The following PPP1R14C variants were observed in gnomAD, a reference collection of about 807,000 sequenced individuals.
PPP1R14C encodes the protein protein phosphatase 1 regulatory inhibitor subunit 14C.
A neutral mutation model predicts 20.4 loss-of-function variants in PPP1R14C; 16 were observed. The ratio of observed to expected loss-of-function variants is 0.78; its 90% CI spans 0.53 to 1.19. The LOEUF is 1.19. PPP1R14C is among the 50% of genes most tolerant of loss of function. The pLI is 0.00. For synonymous variants in PPP1R14C, 91 were observed against 91.0 expected (o/e 1.00, Z 0.00); for missense variants, 211 against 220.1 (o/e 0.96, Z 0.26).
chr6:150,146,673 A>G lies in PPP1R14C; in HGVS notation c.306+3175A>G, dbSNP rs541599015. On this transcript the variant is annotated intron_variant, in intron 1 of 3. Coordinates refer to ENST00000361131, the MANE Select transcript of PPP1R14C (RefSeq NM_030949.3). The stretch of plus-strand genomic sequence containing the variant: ...TGACCATGATGCCTCTGCACACACC[A>G]GTGGTGATGTCCCCCTAGGCCAGAA... 3.3e-3 allele frequency among the ~76,000 whole-genome samples: 508 copies of G among 152,230 alleles called. 3 individuals are homozygous for G. Among genetic ancestry groups the G allele is most frequent in the African/African-American group, 0.012 (492 of 41,534 alleles).
intron 1 of PPP1R14C, among the ~76,000 whole-genome samples, chr6:150,178,672 G>T (rs1204148075): frequency 6.6e-6 from 1 of 152,166 alleles, no homozygotes; most frequent in African/African-American, 2.4e-5. Context: ...CATTACAACT[G>T]TCATGATGAC....
intron 1 of PPP1R14C, among the ~76,000 whole-genome samples, chr6:150,178,113 C>G (rs1777583259): frequency 1.3e-5 from 2 of 152,170 alleles, no homozygotes; most frequent in South Asian, 4.1e-4. Context: ...GCAGCCTCCG[C>G]GAGGCCTTTT....
At chr6:150,221,921 C>G (rs1271606893) in intron 3 of PPP1R14C, among the ~76,000 whole-genome samples, 1 of 152,168 alleles carries the variant, frequency 6.6e-6, no homozygotes, top group East Asian at 1.9e-4. Context: ...GCCTCAGCCC[C>G]CCGGGTAGCT....
chr6:150,194,074 A>G (rs1255248379), intron 1 of PPP1R14C, among the ~76,000 whole-genome samples: 1 of 151,952 alleles, frequency 6.6e-6, no homozygotes, highest in Non-Finnish European at 1.5e-5. Flanking sequence ...TTTGGTTTTC[A>G]TTTCTCTCTT....
Position 150,248,746 on chromosome 6 carries a change from GA to G in PPP1R14C, c.426del (p.Glu142AspfsTer10). ...ATTAACTTCTTCTGATCTCTTTTAGGAATTTATCAAAGAGCTGCTTTCTCGG... is the reference window on the plus strand; with the variant it reads ...ATTAACTTCTTCTGATCTCTTTTAGGATTTATCAAAGAGCTGCTTTCTCGG... ...ALVDCYKPTE[E>X]FIKELLSRIR... On this transcript the variant is annotated frameshift_variant and splice_region_variant, in exon 4 of 4. Transcript: ENST00000361131. LOFTEE classifies it high-confidence loss of function. 1 of 1,605,418 alleles carries G rather than the reference GA, an allele frequency of 6.2e-7. No homozygotes were observed. The highest frequency in any genetic ancestry group is 8.5e-7 in the Non-Finnish European group (1 of 1,172,380).
rs143626534 is a variant in PPP1R14C, at chr6:150,224,058, T to G, written c.423+7202T>G. On this transcript the variant is annotated intron_variant, in intron 3 of 3. Transcript: ENST00000361131. ...GTGTAAGGTCTGGGTCCAGGTTCATTTTTTGCACGTGGATTTCCAGTTGTC... is the reference window on the plus strand; with the variant it reads ...GTGTAAGGTCTGGGTCCAGGTTCATGTTTTGCACGTGGATTTCCAGTTGTC... Among the ~76,000 whole-genome samples, 56 of 152,312 alleles carry G rather than the reference T, an allele frequency of 3.7e-4. 1 individual carries two copies. The East Asian group carries it at 0.011, about 29-fold the overall frequency.
At chr6:150,206,076 C>A (rs189763128) in intron 1 of PPP1R14C, among the ~76,000 whole-genome samples, 3 of 152,236 alleles carry the variant, frequency 2.0e-5, no homozygotes, top group Non-Finnish European at 4.4e-5. Flanking sequence ...ATGGCCCCAA[C>A]TCTGATACAG....
intron 3 of PPP1R14C, among the ~76,000 whole-genome samples, chr6:150,235,209 C>G (rs1459161462): frequency 2.6e-5 from 4 of 152,212 alleles, no homozygotes; most frequent in Non-Finnish European, 5.9e-5. Context: ...CTGCCTCAGT[C>G]TCCTGAGTAG....
At position 150,185,908 on chromosome 6, in the gene PPP1R14C, A is replaced by G. The variant is rs1022436349; in HGVS notation, c.307-28836A>G. The stretch of plus-strand genomic sequence containing the variant: ...CAGGCAAGGGTCAGGCGTGGCACCT[A>G]TCGGCTCCTAAAGCCTCTACCAGGA... On this transcript the variant is annotated intron_variant, in intron 1 of 3. Transcript: ENST00000361131. The surrounding 1 kb of genome is among the most constrained non-coding windows in gnomAD (Gnocchi z 4.1). Among the ~76,000 whole-genome samples the G allele has an allele frequency of 1.3e-5, 2 of 152,140 alleles. No individual in the cohort carries two copies. Among genetic ancestry groups the G allele is most frequent in the African/African-American group, 4.8e-5 (2 of 41,432 alleles).
At chr6:150,170,386 G>A (rs139242221) in intron 1 of PPP1R14C, among the ~76,000 whole-genome samples, 6 of 150,806 alleles carry the variant, frequency 4.0e-5, no homozygotes, top group African/African-American at 1.2e-4. Flanking sequence ...GCAGTGGCGC[G>A]ATCTTGGCTC....
intron 1 of PPP1R14C, among the ~76,000 whole-genome samples, chr6:150,200,623 C>T (rs141009127): frequency 8.5e-5 from 13 of 152,338 alleles, no homozygotes; most frequent in African/African-American, 2.9e-4. Flanking sequence ...CTGTGGCCTC[C>T]TCTGTAACAG....
At chr6:150,216,302 C>G (rs1433045429) in intron 2 of PPP1R14C, among the ~76,000 whole-genome samples, 3 of 152,198 alleles carry the variant, frequency 2.0e-5, no homozygotes, top group Non-Finnish European at 4.4e-5. Flanking sequence ...TCGAGACCAG[C>G]CTGGCTAACA....
intron 3 of PPP1R14C, among the ~76,000 whole-genome samples, chr6:150,225,067 T>C (rs534851751): frequency 3.1e-4 from 47 of 152,062 alleles, no homozygotes; most frequent in Admixed American, 2.1e-3. Context: ...CCCAGGTCAC[T>C]CAGGCTCTAC....
intron 1 of PPP1R14C, among the ~76,000 whole-genome samples, chr6:150,156,024 CAAAAAAAAAAAAAAA>C (rs67908012): frequency 5.2e-5 from 2 of 38,420 alleles, no homozygotes; most frequent in Non-Finnish European, 9.4e-5. Flanking sequence ...GACTCTGTCT[CAAAAAAAAAAAAAAA>C]AAAAAAAAAA....
chr6:150,223,931 G>T (rs1778198834), intron 3 of PPP1R14C, among the ~76,000 whole-genome samples: 1 of 152,154 alleles, frequency 6.6e-6, no homozygotes, highest in Non-Finnish European at 1.5e-5. Context: ...GAAAACACAA[G>T]ATCATTTAGA....
At chr6:150,203,838 C>G (rs1777909043) in intron 1 of PPP1R14C, among the ~76,000 whole-genome samples, 1 of 152,228 alleles carries the variant, frequency 6.6e-6, no homozygotes, top group African/African-American at 2.4e-5. Flanking sequence ...TCAGAGACAG[C>G]TCAGGCTCAA....
chr6:150,143,510 C>T lies in PPP1R14C; in HGVS notation c.306+12C>T. On this transcript the variant is annotated intron_variant, in intron 1 of 3. Transcript: ENST00000361131. This position sits in a 1 kb window ranked among gnomAD's most constrained non-coding sequence, Gnocchi z 5.6. ...TCTACGGCTGCGAGGTACCTGGGCG[C>T]GGGGCTGGGAGGGTCGGGGACCTCT... The T allele has an allele frequency of 1.5e-6, 1 of 666,938 alleles. No individual in the cohort carries two copies. The highest frequency in any genetic ancestry group is 2.6e-6 in the Non-Finnish European group (1 of 389,254). 41.3% of individuals were successfully genotyped at this position (666,938 alleles called of 1,614,324 possible).
chr6:150,169,337 G>A (rs1422802671), intron 1 of PPP1R14C, among the ~76,000 whole-genome samples: 1 of 152,054 alleles, frequency 6.6e-6, no homozygotes, highest in African/African-American at 2.4e-5. Flanking sequence ...TGTTGTCATG[G>A]GAAACTTGTC....
intron 1 of PPP1R14C, among the ~76,000 whole-genome samples, chr6:150,173,322 C>T (rs1322574168): frequency 6.6e-6 from 1 of 151,850 alleles, no homozygotes; most frequent in Non-Finnish European, 1.5e-5. Context: ...CTAATCTGGT[C>T]TCTTATCCTT....
Sources: gnomAD v4.1 joint callset for allele counts (sites outside exome capture counted in the v4.1 genomes callset) on GRCh38, gnomAD v4.1.1 for gene constraint, Gnocchi (gnomAD v3.1) non-coding constraint, MANE v1.5 for transcripts, NCBI Gene and HGNC (gene_info 2026-07-23, HGNC 2026-07-21) for gene names.